The following CCNI variants were observed in gnomAD, a reference collection of about 807,000 sequenced individuals.
CCNI encodes the protein cyclin I.
Under a neutral mutation model 34.1 loss-of-function variants are expected in CCNI, and 14 were observed. The ratio of observed to expected loss-of-function variants is 0.41; its 90% CI spans 0.27 to 0.64. CCNI has a LOEUF of 0.64. Ranked by LOEUF, CCNI falls within the 30% of genes least tolerant of loss-of-function variation. The pLI is 0.31. For synonymous variants in CCNI, 154 were observed against 158.4 expected, an observed-to-expected ratio of 0.97 and a Z score of 0.21; for missense variants, 385 against 440.5, an observed-to-expected ratio of 0.87 and a Z score of 1.13.
At chr4:77,055,623 T>C (rs949654787) in intron 5 of CCNI, among the ~76,000 whole-genome samples, 2 of 151,936 alleles carry the variant, frequency 1.3e-5, no homozygotes, top group African/African-American at 2.4e-5. Context: ...CCTGCCACCA[T>C]GCCCGGCTAA....
intron 3 of CCNI, 79 bp downstream of exon 3, chr4:77,058,428 G>C: frequency 8.8e-7 from 1 of 1,132,240 alleles, no homozygotes; most frequent in South Asian, 1.5e-5. Flanking sequence ...CTACCTTACA[G>C]AATGTTCACT....
rs567371997 is a variant in CCNI at position 77,069,877 on chromosome 4, A to T, written c.-43-3472T>A. Among the ~76,000 whole-genome samples the T allele has an allele frequency of 1.3e-4, 20 of 151,896 alleles. 1 individual carries two copies. In the South Asian group the frequency reaches 4.2e-3, roughly 32 times the overall value. ...CCAAAATCTAATCTCTTTCACACCA[A>T]TCCTTCCAATCTTTGAAGGGTGCTA... is the stretch of plus-strand genomic sequence containing the variant. On this transcript the variant is annotated intron_variant, in intron 1 of 6. Coordinates refer to ENST00000237654, the MANE Select transcript of CCNI (RefSeq NM_006835.3).
chr4:77,075,545 C>T lies in CCNI; in HGVS notation c.-117G>A, dbSNP rs1165517850. ...CTCACAGTGGTGACGCGGGGTCATCCGGGGGCCCGTTACCACCTCATTCTC... is the reference window on the plus strand; with the variant it reads ...CTCACAGTGGTGACGCGGGGTCATCTGGGGGCCCGTTACCACCTCATTCTC... On this transcript the variant is annotated 5_prime_UTR_variant, in exon 1 of 7. Transcript: ENST00000237654. The T allele has an allele frequency of 2.0e-6, 2 of 988,444 alleles. No homozygotes were observed. The highest frequency in any genetic ancestry group is 4.7e-5 in the South Asian group (1 of 21,444). 61.2% of individuals were successfully genotyped at this position (988,444 alleles called of 1,614,324 possible).
intron 1 of CCNI, among the ~76,000 whole-genome samples, chr4:77,069,262 C>G (rs1054498536): frequency 1.3e-5 from 2 of 152,016 alleles, no homozygotes; most frequent in African/African-American, 2.4e-5. Context: ...ATAAAACATA[C>G]AAAAATTAGG....
Position 77,055,464 on chromosome 4 carries a change from C to CCT in CCNI, c.460-85_460-84insAG. ...GAAATTGATGCAACCTATTCAATTT[C>CCT]TTTTTTTTTTTTTTTTGAGACAGAG... On this transcript the variant is annotated intron_variant, in intron 5 of 6. Coordinates refer to ENST00000237654, the MANE Select transcript of CCNI (RefSeq NM_006835.3). The CCT allele has an allele frequency of 2.4e-5, 16 of 673,122 alleles. No homozygotes were observed. In the African/African-American group the frequency reaches 2.9e-4, roughly 12 times the overall value. The allele number at this position is 673,122 out of a possible 1,614,324, so 41.7% of individuals were successfully genotyped here.
chr4:77,055,821 A>G (rs1728182027), intron 5 of CCNI, 141 bp downstream of exon 5: 3 of 691,980 alleles, frequency 4.3e-6, no homozygotes, highest in Admixed American at 3.1e-5. Flanking sequence ...TGACATATAT[A>G]CTAATTTATA....
intron 3 of CCNI, among the ~76,000 whole-genome samples, chr4:77,057,082 AT>A (rs1167708678): frequency 6.6e-6 from 1 of 152,190 alleles, no homozygotes; most frequent in Non-Finnish European, 1.5e-5. Flanking sequence ...GTATGTAAAC[AT>A]TTTTTAAAGC....
At chr4:77,075,406 G>C (rs1396847311) in intron 1 of CCNI, 66 bp downstream of exon 1, 1 of 662,708 alleles carries the variant, frequency 1.5e-6, no homozygotes, top group Non-Finnish European at 1.9e-6. Context: ...GGAGCAGCGG[G>C]GCCCCAGCGC....
intron 1 of CCNI, among the ~76,000 whole-genome samples, chr4:77,068,994 A>AG (rs1729254263): frequency 6.6e-6 from 1 of 152,174 alleles, no homozygotes; most frequent in Non-Finnish European, 1.5e-5. Context: ...TAAGATGACA[A>AG]GGGGTAAATA....
At chr4:77,055,834 T>G in intron 5 of CCNI, 128 bp downstream of exon 5, 1 of 743,650 alleles carries the variant, frequency 1.3e-6, no homozygotes, top group Non-Finnish European at 2.2e-6. Context: ...AATTTATAAT[T>G]TTTCCTTGGA....
intron 6 of CCNI, among the ~76,000 whole-genome samples, chr4:77,051,924 G>A (rs1727870873): frequency 1.3e-5 from 2 of 151,770 alleles, no homozygotes; most frequent in African/African-American, 2.4e-5. Flanking sequence ...AAAAGAACCA[G>A]GAGACTGGTG....
chr4:77,052,191 T>C (rs1578232954), intron 6 of CCNI, among the ~76,000 whole-genome samples: 3 of 149,546 alleles, frequency 2.0e-5, no homozygotes, highest in South Asian at 4.4e-4. Flanking sequence ...AACGTTTAGC[T>C]CCCACTTGTG....
intron 1 of CCNI, among the ~76,000 whole-genome samples, chr4:77,072,035 C>T (rs1054743239): frequency 2.0e-5 from 3 of 152,090 alleles, no homozygotes; most frequent in African/African-American, 7.2e-5. Flanking sequence ...TATTACCCTG[C>T]TACCAAAACC....
chr4:77,055,934 G>C, intron 5 of CCNI, 28 bp downstream of exon 5: 1 of 1,561,450 alleles, frequency 6.4e-7, no homozygotes, highest in South Asian at 1.2e-5. Context: ...ACTCAAATAA[G>C]AAACTAAAAG....
At chr4:77,051,621 T>C (rs1410927791) in intron 6 of CCNI, among the ~76,000 whole-genome samples, 1 of 152,142 alleles carries the variant, frequency 6.6e-6, no homozygotes, top group Non-Finnish European at 1.5e-5. Context: ...TCTAGTACAA[T>C]CTGAATTTGT....
chr4:77,070,892 G>T (rs1443527438), intron 1 of CCNI, among the ~76,000 whole-genome samples: 1 of 152,172 alleles, frequency 6.6e-6, no homozygotes, highest in Non-Finnish European at 1.5e-5. Flanking sequence ...TCTGACAAGA[G>T]ATATTTAGAA....
intron 2 of CCNI, among the ~76,000 whole-genome samples, chr4:77,065,646 C>A (rs890621938): frequency 9.2e-5 from 14 of 152,146 alleles, no homozygotes; most frequent in African/African-American, 3.1e-4. Context: ...AACTATATAT[C>A]TAAAGAAGGT....
chr4:77,048,048 G>T lies in CCNI; in HGVS notation c.*171C>A. On this transcript the variant is annotated 3_prime_UTR_variant, in exon 7 of 7. Coordinates refer to ENST00000237654, the MANE Select transcript of CCNI (RefSeq NM_006835.3). ...TTTGGTCTTTATGTGCTTAAATAAC[G>T]CTGAATTATAATTAGCCACACAAAT... 2.2e-6 allele frequency: 1 copy of T among 463,036 alleles called. No individual in the cohort carries two copies. The allele number at this position is 463,036 out of a possible 1,614,324, so 28.7% of individuals were successfully genotyped here.
At chr4:77,067,499 T>C (rs1255349028) in intron 1 of CCNI, among the ~76,000 whole-genome samples, 1 of 152,040 alleles carries the variant, frequency 6.6e-6, no homozygotes, top group Non-Finnish European at 1.5e-5. Context: ...GTTTTATGTT[T>C]ATATGTATTT....
Sources: gnomAD v4.1 joint callset for allele counts (sites outside exome capture counted in the v4.1 genomes callset) on GRCh38, gnomAD v4.1.1 for gene constraint, MANE v1.5 for transcripts, NCBI Gene and HGNC (gene_info 2026-07-23, HGNC 2026-07-21) for gene names.